The following DDX10 variants were observed in gnomAD, a reference collection of about 807,000 sequenced individuals.
The protein encoded by DDX10 is probable ATP-dependent RNA helicase DDX10.
In DDX10, 74 loss-of-function variants were observed where a neutral mutation model predicts 104.3. That is an observed-to-expected ratio of 0.71 (90% CI 0.59 to 0.86). The LOEUF is 0.86. Among genes scored for constraint, DDX10 ranks in the 40% least tolerant of loss-of-function variants. The pLI is 0.00. For synonymous variants in DDX10, 351 were observed against 353.4 expected, an observed-to-expected ratio of 0.99 and a Z score of 0.08; for missense variants, 952 against 1,040.0, an observed-to-expected ratio of 0.92 and a Z score of 1.16.
intron 16 of DDX10, among the ~76,000 whole-genome samples, chr11:108,912,318 G>A (rs1227029976): frequency 6.6e-6 from 1 of 152,070 alleles, no homozygotes; most frequent in African/African-American, 2.4e-5. Flanking sequence ...GAAAGAAGAG[G>A]GGTACAAACA....
intron 15 of DDX10, among the ~76,000 whole-genome samples, chr11:108,851,288 A>G (rs1862789581): frequency 6.6e-6 from 1 of 152,192 alleles, no homozygotes; most frequent in Non-Finnish European, 1.5e-5. Flanking sequence ...AAGCCAGCTC[A>G]AATGAAGTGT....
At chr11:108,708,654 A>T (rs1375826711) in intron 10 of DDX10, among the ~76,000 whole-genome samples, 1 of 149,028 alleles carries the variant, frequency 6.7e-6, no homozygotes, top group Non-Finnish European at 1.5e-5. Context: ...TGGAACCTCT[A>T]CCTCCTGGGT....
chr11:108,783,119 A>G (rs1565277043), intron 13 of DDX10, among the ~76,000 whole-genome samples: 2 of 152,134 alleles, frequency 1.3e-5, no homozygotes, highest in South Asian at 4.1e-4. Flanking sequence ...ATAGGTGTCT[A>G]TTACTGAACT....
At chr11:108,853,811 A>G (rs1448445645) in intron 16 of DDX10, among the ~76,000 whole-genome samples, 1 of 152,148 alleles carries the variant, frequency 6.6e-6, no homozygotes, top group Non-Finnish European at 1.5e-5. Flanking sequence ...CCTGACATCT[A>G]AAAAAGGAGG....
At chr11:108,833,673 T>A (rs1484343545) in intron 13 of DDX10, among the ~76,000 whole-genome samples, 1 of 152,234 alleles carries the variant, frequency 6.6e-6, no homozygotes, top group African/African-American at 2.4e-5. Context: ...CTACATTTTG[T>A]CATGTAATTT....
chr11:108,700,434 CT>C (rs2094266110), intron 9 of DDX10, among the ~76,000 whole-genome samples: 1 of 152,206 alleles, frequency 6.6e-6, no homozygotes, highest in African/African-American at 2.4e-5. Flanking sequence ...CCAGTGTGCC[CT>C]GATCCAGCTG....
chr11:108,867,383 G>A (rs1410604475), intron 16 of DDX10, among the ~76,000 whole-genome samples: 2 of 152,160 alleles, frequency 1.3e-5, no homozygotes, highest in Non-Finnish European at 2.9e-5. Flanking sequence ...TGAAGAGTAA[G>A]CCAGAGCTTC....
intron 9 of DDX10, among the ~76,000 whole-genome samples, chr11:108,705,942 G>C (rs1343077262): frequency 7.9e-5 from 12 of 152,052 alleles, no homozygotes; most frequent in Admixed American, 7.9e-4. Flanking sequence ...AACATGGATT[G>C]GAGGCAAGCA....
chr11:108,696,809 G>A (rs986081209), intron 9 of DDX10, among the ~76,000 whole-genome samples: 1 of 152,072 alleles, frequency 6.6e-6, no homozygotes, highest in African/African-American at 2.4e-5. Flanking sequence ...CAGTGGTATT[G>A]ATGGGGACAG....
chr11:108,733,229 A>C (rs1387244792), intron 13 of DDX10, among the ~76,000 whole-genome samples: 1 of 152,078 alleles, frequency 6.6e-6, no homozygotes, highest in Non-Finnish European at 1.5e-5. Flanking sequence ...AAAAGATTCC[A>C]AGTTCCAAAT....
intron 16 of DDX10, among the ~76,000 whole-genome samples, chr11:108,871,928 C>CA (rs34163444): frequency 0.75 from 112,976 of 149,726 alleles, 42,691 homozygotes; most frequent in Admixed American, 0.8. Flanking sequence ...AATTCTGCCT[C>CA]AAAAAAAAAA....
At chr11:108,848,709 G>T (rs1416868029) in intron 15 of DDX10, among the ~76,000 whole-genome samples, 2 of 152,054 alleles carry the variant, frequency 1.3e-5, no homozygotes, top group Non-Finnish European at 2.9e-5. Context: ...ACATAAATCT[G>T]ATCTATTTTC....
intron 16 of DDX10, among the ~76,000 whole-genome samples, chr11:108,888,330 A>C (rs1863328564): frequency 6.6e-6 from 1 of 152,174 alleles, no homozygotes; most frequent in Admixed American, 6.5e-5. Context: ...AATTATCTTA[A>C]TACTTATACT....
At chr11:108,747,981 A>G (rs1365011998) in intron 13 of DDX10, among the ~76,000 whole-genome samples, 3 of 152,128 alleles carry the variant, frequency 2.0e-5, no homozygotes, top group Admixed American at 6.5e-5. Flanking sequence ...GGGGCTTTTG[A>G]TATGGTAAAA....
chr11:108,906,415 T>C (rs993163412), intron 16 of DDX10, among the ~76,000 whole-genome samples: 2 of 152,168 alleles, frequency 1.3e-5, no homozygotes, highest in African/African-American at 4.8e-5. Flanking sequence ...TGTGCACACA[T>C]GGGTTGATGA....
intron 4 of DDX10, 31 bp from the exon 5 acceptor site, chr11:108,678,278 ATGTGTC>A: frequency 6.3e-7 from 1 of 1,595,406 alleles, no homozygotes; most frequent in Admixed American, 1.7e-5. Flanking sequence ...GCTGAGAGTG[ATGTGTC>A]TGTGTAATCA....
At chr11:108,868,130 G>A (rs1863030657) in intron 16 of DDX10, 1 of 152,120 alleles carries the variant, frequency 6.6e-6, no homozygotes, top group Non-Finnish European at 1.5e-5. Flanking sequence ...TTTGCAGTTA[G>A]GAAGAAGGGG....
At chr11:108,699,995 T>A (rs1055220155) in intron 9 of DDX10, among the ~76,000 whole-genome samples, 1 of 152,180 alleles carries the variant, frequency 6.6e-6, no homozygotes, top group African/African-American at 2.4e-5. Context: ...AGAAACATAC[T>A]TTCAAATCCA....
intron 17 of DDX10, among the ~76,000 whole-genome samples, chr11:108,933,405 C>T (rs1479295088): frequency 2.6e-5 from 4 of 152,054 alleles, no homozygotes; most frequent in African/African-American, 9.7e-5. Context: ...TAGCCAGACT[C>T]GAGTTTGGTC....
Sources: allele counts gnomAD v4.1 joint callset (sites outside exome capture counted in the v4.1 genomes callset), GRCh38; gene constraint gnomAD v4.1.1; transcripts MANE v1.5; gene names NCBI Gene and HGNC (gene_info 2026-07-23, HGNC 2026-07-21).